The following CNTN4 variants were observed in gnomAD, a reference collection of about 807,000 sequenced individuals.
CNTN4 encodes contactin-4.
In CNTN4, 77 loss-of-function variants were observed where a neutral mutation model predicts 122.5. The ratio of observed to expected loss-of-function variants is 0.63; its 90% confidence interval spans 0.52 to 0.76. The LOEUF is 0.76. CNTN4 is among the 30% of genes least tolerant of loss of function. CNTN4 has a pLI of 0.00. For missense variants in CNTN4, 1,256 were observed against 1,259.1 expected, an observed-to-expected ratio of 1.00 and a Z score of 0.04; for synonymous variants, 512 against 447.0, an observed-to-expected ratio of 1.15 and a Z score of -1.83.
At chr3:2,392,167 G>T (rs2046463893) in intron 3 of CNTN4, among the ~76,000 whole-genome samples, 1 of 152,128 alleles carries the variant, frequency 6.6e-6, no homozygotes, top group African/African-American at 2.4e-5. Context: ...AATCCACTTG[G>T]CTATCTTCTG....
intron 12 of CNTN4, among the ~76,000 whole-genome samples, chr3:2,910,061 T>C (rs2094283269): frequency 6.6e-6 from 1 of 152,204 alleles, no homozygotes; most frequent in Non-Finnish European, 1.5e-5. Flanking sequence ...ATTCCAACCA[T>C]GGCTGAAGGC....
At chr3:2,704,125 C>T (rs573472003) in intron 4 of CNTN4, among the ~76,000 whole-genome samples, 8 of 151,384 alleles carry the variant, frequency 5.3e-5, no homozygotes, top group East Asian at 3.9e-4. Flanking sequence ...GGTGAAACCC[C>T]GTCTCTACTA....
intron 4 of CNTN4, among the ~76,000 whole-genome samples, chr3:2,733,107 C>G (rs918217602): frequency 3.3e-5 from 5 of 152,182 alleles, no homozygotes; most frequent in Non-Finnish European, 5.9e-5. Flanking sequence ...TCCACAGTCT[C>G]TCAGCTGCAT....
At chr3:2,662,314 A>G (rs959300803) in intron 4 of CNTN4, among the ~76,000 whole-genome samples, 1 of 152,214 alleles carries the variant, frequency 6.6e-6, no homozygotes, top group South Asian at 2.1e-4. Flanking sequence ...TCTCACTCAT[A>G]TAAGATTCAA....
intron 7 of CNTN4, among the ~76,000 whole-genome samples, chr3:2,829,172 A>G (rs148048596): frequency 0.012 from 1,899 of 152,252 alleles, 20 homozygotes; most frequent in African/African-American, 0.025. Context: ...CCGTTTGCCA[A>G]TCAGAGGGGG....
intron 2 of CNTN4, among the ~76,000 whole-genome samples, chr3:2,292,901 C>A (rs533696586): frequency 6.6e-6 from 1 of 152,182 alleles, no homozygotes. Context: ...GACATATGCA[C>A]TCATTTCTAT....
rs1559415683 is a variant in CNTN4, at chr3:2,287,688, GA to G, written c.-144-51488del. 4.7e-4 allele frequency among the ~76,000 whole-genome samples: 42 copies of G among 90,034 alleles called. 1 individual carries two copies. The highest frequency in any genetic ancestry group is 5.7e-3 in the Middle Eastern group (1 of 174). The allele number at this position is 90,034 out of a possible 152,430, so 59.1% of individuals were successfully genotyped here. On this transcript the variant is annotated intron_variant, in intron 2 of 24. Transcript: ENST00000418658. ...AGAAGAAGAAGAAGAAGAAGAAGAAGAAGAGGAAGAAGAAGAAGAAGAGGAA... is the reference window on the plus strand; with the variant it reads ...AGAAGAAGAAGAAGAAGAAGAAGAAGAGAGGAAGAAGAAGAAGAAGAGGAA...
intron 3 of CNTN4, among the ~76,000 whole-genome samples, chr3:2,516,549 G>T (rs899483013): frequency 6.6e-6 from 1 of 152,008 alleles, no homozygotes; most frequent in African/African-American, 2.4e-5. Context: ...CTGTTTTATT[G>T]TATAGTTAAA....
chr3:2,566,969 A>C (rs1223010441), intron 3 of CNTN4, among the ~76,000 whole-genome samples: 2 of 152,222 alleles, frequency 1.3e-5, no homozygotes, highest in Non-Finnish European at 2.9e-5. Context: ...TATGTCCTTC[A>C]GGGGATTGCA....
intron 3 of CNTN4, among the ~76,000 whole-genome samples, chr3:2,367,581 A>G (rs528139426): frequency 2.0e-4 from 30 of 152,130 alleles, no homozygotes; most frequent in African/African-American, 5.3e-4. Flanking sequence ...CTAGAGTGCA[A>G]TGGCACAATC....
chr3:3,042,819 T>G, intron 21 of CNTN4, 158 bp from the exon 22 acceptor site: 1 of 666,300 alleles, frequency 1.5e-6, no homozygotes, highest in Non-Finnish European at 2.6e-6. Context: ...TTGGATAATT[T>G]CTCAGGATAT....
chr3:2,130,775 C>T (rs910126687), intron 2 of CNTN4, among the ~76,000 whole-genome samples: 1 of 152,136 alleles, frequency 6.6e-6, no homozygotes, highest in African/African-American at 2.4e-5. Context: ...TCTATAGTCT[C>T]TTATCTGAAG....
rs575199258 is a variant in CNTN4 at position 2,141,620 on chromosome 3, A to G, written c.-145+40981A>G. 3.9e-5 allele frequency among the ~76,000 whole-genome samples: 6 copies of G among 152,308 alleles called. No homozygotes were observed. The South Asian group carries it at 1.2e-3, about 32-fold the overall frequency. On this transcript the variant is annotated intron_variant, in intron 2 of 24. Coordinates refer to ENST00000418658, the MANE Select transcript of CNTN4 (RefSeq NM_175607.3). ...TCAGTAGTAGGAAATGAATACAGCT[A>G]TAAAGTGGAAGAAACCATAGAAAGT...
chr3:2,145,877 A>T (rs980809674), intron 2 of CNTN4, among the ~76,000 whole-genome samples: 2 of 151,970 alleles, frequency 1.3e-5, no homozygotes, highest in Non-Finnish European at 2.9e-5. Flanking sequence ...GACAAAGGTC[A>T]TATGGGCTAG....
chr3:2,945,092 C>A (rs1419942023), intron 13 of CNTN4, among the ~76,000 whole-genome samples: 1 of 152,158 alleles, frequency 6.6e-6, no homozygotes, highest in Non-Finnish European at 1.5e-5. Flanking sequence ...CAGCTTTAAG[C>A]TGCCCCATAT....
chr3:2,497,211 A>G (rs1032621333), intron 3 of CNTN4, among the ~76,000 whole-genome samples: 1 of 152,060 alleles, frequency 6.6e-6, no homozygotes, highest in Non-Finnish European at 1.5e-5. Flanking sequence ...TTCCTCTGAC[A>G]CTGTTTGAAA....
At chr3:2,559,253 G>A (rs1019329279) in intron 3 of CNTN4, among the ~76,000 whole-genome samples, 2 of 152,178 alleles carry the variant, frequency 1.3e-5, no homozygotes, top group Non-Finnish European at 2.9e-5. Flanking sequence ...ATCTGATAAT[G>A]AAGTACCCCA....
rs149686705 is a variant in CNTN4, at chr3:2,191,803, A to C, written c.-145+91164A>C. On this transcript the variant is annotated intron_variant, in intron 2 of 24. Transcript: ENST00000418658. ...CATGAGGTTTGTTACATATGTATGCATGTGCCATGTTGGTGTGCTGCACCC... is the reference window on the plus strand; with the variant it reads ...CATGAGGTTTGTTACATATGTATGCCTGTGCCATGTTGGTGTGCTGCACCC... Among the ~76,000 whole-genome samples the C allele has an allele frequency of 3.6e-3, 542 of 152,160 alleles. 2 individuals carry two copies. The highest frequency in any genetic ancestry group is 5.3e-3 in the Non-Finnish European group (363 of 68,006).
intron 4 of CNTN4, among the ~76,000 whole-genome samples, chr3:2,621,260 T>C (rs2081978913): frequency 6.6e-6 from 1 of 152,174 alleles, no homozygotes; most frequent in Admixed American, 6.5e-5. Context: ...CTCAACACAT[T>C]CTGGAAGGAA....
Sources: gnomAD v4.1 joint callset for allele counts (sites outside exome capture counted in the v4.1 genomes callset) on GRCh38, gnomAD v4.1.1 for gene constraint, MANE v1.5 for transcripts, NCBI Gene and HGNC (gene_info 2026-07-23, HGNC 2026-07-21) for gene names.